The following EYA1 variants were observed in gnomAD, a reference collection of about 807,000 sequenced individuals.
EYA1 encodes EYA transcriptional coactivator and phosphatase 1, also known as protein phosphatase EYA1.
A neutral mutation model predicts 82.0 loss-of-function variants in EYA1; 16 were observed. The observed-to-expected ratio is 0.20, with a 90% CI of 0.13 to 0.30. EYA1 has a LOEUF of 0.30. Among genes scored for constraint, EYA1 ranks in the 10% least tolerant of loss-of-function variants. EYA1 has a pLI of 1.00. For missense variants in EYA1, 633 were observed against 730.7 expected (o/e 0.87, Z 1.54); for synonymous variants, 261 against 264.4 (o/e 0.99, Z 0.12).
At chr8:71,327,699 G>C (rs1226665239) in intron 4 of EYA1, among the ~76,000 whole-genome samples, 2 of 152,070 alleles carry the variant, frequency 1.3e-5, no homozygotes, top group Non-Finnish European at 2.9e-5. Context: ...GTGAGAGTGA[G>C]TCACTATGTC....
intron 12 of EYA1, among the ~76,000 whole-genome samples, chr8:71,243,315 T>C (rs563970627): frequency 1.3e-4 from 20 of 152,274 alleles, no homozygotes; most frequent in Admixed American, 9.8e-4. Context: ...GTGAAAACAA[T>C]TATCAATCAG....
At chr8:71,322,744 G>C (rs1462602529) in intron 4 of EYA1, among the ~76,000 whole-genome samples, 2 of 152,104 alleles carry the variant, frequency 1.3e-5, no homozygotes, top group African/African-American at 4.8e-5. Context: ...ATCTTCTCTC[G>C]GGTGAGAAGA....
chr8:71,314,737 T>C (rs915866136), intron 7 of EYA1, among the ~76,000 whole-genome samples: 7 of 152,204 alleles, frequency 4.6e-5, no homozygotes, highest in African/African-American at 1.2e-4. Context: ...ATTATCATTA[T>C]AAAGATAGTC....
At position 71,442,502 on chromosome 8, in the gene EYA1, C is replaced by T. The variant is rs141899090; in HGVS notation, c.34-85991G>A. Among the ~76,000 whole-genome samples, 10 of 152,252 alleles carry T rather than the reference C, an allele frequency of 6.6e-5. 2 individuals carry two copies. In the South Asian group the frequency reaches 8.3e-4, roughly 13 times the overall value. The stretch of plus-strand genomic sequence containing the variant: ...ATAAGCTGTAGGCAGTTTCTGATTC[C>T]GCTTCATCTCAGGATGACTATAATA... On this transcript the variant is annotated intron_variant, in intron 2 of 18. Transcript: ENST00000643681.
At chr8:71,294,955 C>A (rs1335453530) in intron 9 of EYA1, among the ~76,000 whole-genome samples, 2 of 152,126 alleles carry the variant, frequency 1.3e-5, no homozygotes, top group Non-Finnish European at 2.9e-5. Context: ...GTCAAGTGGT[C>A]TTTGACAAAG....
chr8:71,366,228 A>C (rs1449877374), upstream of EYA1, among the ~76,000 whole-genome samples: 1 of 152,142 alleles, frequency 6.6e-6, no homozygotes, highest in Admixed American at 6.5e-5. Flanking sequence ...GGGCAGTGGC[A>C]GATTTTTAAG....
chr8:71,488,660 T>C (rs1215937437), intron 2 of EYA1, among the ~76,000 whole-genome samples: 5 of 152,248 alleles, frequency 3.3e-5, no homozygotes, highest in African/African-American at 1.2e-4. Flanking sequence ...TGTTTAAAGA[T>C]GTAAATATTT....
intron 2 of EYA1, among the ~76,000 whole-genome samples, chr8:71,503,391 T>A (rs1249092693): frequency 6.6e-6 from 1 of 151,824 alleles, no homozygotes; most frequent in Non-Finnish European, 1.5e-5. Context: ...AAGAATTGCT[T>A]GAATCCAGGA....
intron 2 of EYA1, among the ~76,000 whole-genome samples, chr8:71,397,094 G>A (rs556905820): frequency 6.6e-6 from 1 of 152,146 alleles, no homozygotes; most frequent in Non-Finnish European, 1.5e-5. Context: ...TGTTTTATCA[G>A]AGACCAGGAT....
rs76003025 is a variant in EYA1, at chr8:71,539,273, G to A, written c.-72-3425C>T. 7.4e-3 allele frequency among the ~76,000 whole-genome samples: 1,131 copies of A among 152,268 alleles called. 2 individuals carry two copies. Among genetic ancestry groups the A allele is most frequent in the Non-Finnish European group, 0.012 (794 of 68,028 alleles). On this transcript the variant is annotated intron_variant, in intron 1 of 18. Transcript: ENST00000643681. ...AAAAGCTGCATAGTGTTAGGCTGGA[G>A]ATGCATTTAATGATAGCCTGACTCT...
intron 6 of EYA1, among the ~76,000 whole-genome samples, 173 bp downstream of exon 6, chr8:71,321,561 G>C (rs1822548921): frequency 6.6e-6 from 1 of 152,158 alleles, no homozygotes; most frequent in African/African-American, 2.4e-5. Context: ...TCAAGATAAG[G>C]AGCTACCAGT....
rs117343362 is a variant in EYA1, at chr8:71,463,520, A to G, written c.33+72224T>C. On this transcript the variant is annotated intron_variant, in intron 2 of 18. Transcript: ENST00000643681. ...TCCAGTCTAATTTTCTATGTCTGAT[A>G]CTGACATTTGAAATCACACATTATG... is the stretch of plus-strand genomic sequence containing the variant. 1.7e-3 allele frequency among the ~76,000 whole-genome samples: 251 copies of G among 150,532 alleles called. 2 individuals carry two copies. In the East Asian group the frequency reaches 0.04, roughly 24 times the overall value.
rs1445398 is a variant in EYA1, at chr8:71,299,060, T to C, written c.813A>G (p.Thr271=). Reference sequence around the variant, plus strand: ...TCACATAATTACCTGCTGTGGGATCTGTAACTGCTTGGCTGGTGATGCCAG... The same window carrying C: ...TCACATAATTACCTGCTGTGGGATCCGTAACTGCTTGGCTGGTGATGCCAG... ...PPSGITSQAV[T]DPTAEYSTIH... is the part of the protein sequence containing the mutation. The change falls in exon 9 of 18, where the codon ACA becomes ACG. Residue 271 remains threonine (T), a synonymous_variant. Coordinates refer to ENST00000340726, the MANE Select transcript of EYA1 (RefSeq NM_000503.6). 161,037 of 1,613,700 alleles carry C rather than the reference T, an allele frequency of 0.1. 11,653 individuals are homozygous for C. The highest frequency in any genetic ancestry group is 0.42 in the East Asian group (18,786 of 44,832).
chr8:71,306,521 C>T (rs1221448876), intron 7 of EYA1, among the ~76,000 whole-genome samples: 2 of 151,914 alleles, frequency 1.3e-5, no homozygotes, highest in Non-Finnish European at 2.9e-5. Flanking sequence ...AGATGCCACT[C>T]GGGGTTTGGG....
chr8:71,390,792 C>G (rs945944591), intron 2 of EYA1, among the ~76,000 whole-genome samples: 1 of 151,976 alleles, frequency 6.6e-6, no homozygotes, highest in Non-Finnish European at 1.5e-5. Context: ...TTGAAACTGT[C>G]CCATAGGTCC....
chr8:71,307,153 G>T (rs1391530260), intron 7 of EYA1, among the ~76,000 whole-genome samples: 2 of 152,110 alleles, frequency 1.3e-5, no homozygotes, highest in East Asian at 1.9e-4. Context: ...GCCCACAAAA[G>T]ATTTTAAGAG....
At chr8:71,435,331 T>C (rs1724777209) in intron 2 of EYA1, among the ~76,000 whole-genome samples, 1 of 152,132 alleles carries the variant, frequency 6.6e-6, no homozygotes, top group South Asian at 2.1e-4. Flanking sequence ...GTGAGCTTCT[T>C]GAGGGCAGAG....
At chr8:71,347,885 CAAAAAAAA>C (rs5892271) in intron 3 of EYA1, among the ~76,000 whole-genome samples, 1 of 80,842 alleles carries the variant, frequency 1.2e-5, no homozygotes, top group Non-Finnish European at 2.4e-5. Context: ...TGGAGGCATG[CAAAAAAAA>C]AAAAAAAAAA....
intron 2 of EYA1, among the ~76,000 whole-genome samples, chr8:71,408,981 C>T: frequency 8.3e-6 from 1 of 120,516 alleles, no homozygotes; most frequent in African/African-American, 3.6e-5. Flanking sequence ...AAGTAAAGCT[C>T]TCCTCAGCAA....
Sources: allele counts gnomAD v4.1 joint callset (sites outside exome capture counted in the v4.1 genomes callset), GRCh38; gene constraint gnomAD v4.1.1; transcripts MANE v1.5; gene names NCBI Gene and HGNC (gene_info 2026-07-23, HGNC 2026-07-21).